MEF2A: variants seen among roughly 807,000 people sequenced by gnomAD.
MEF2A encodes the protein myocyte enhancer factor 2A, also known as myocyte-specific enhancer factor 2A.
In MEF2A, 28 loss-of-function variants were observed where a neutral mutation model predicts 55.8. The ratio of observed to expected loss-of-function variants is 0.50; its 90% CI spans 0.37 to 0.69. The LOEUF is 0.69. Among genes scored for constraint, MEF2A ranks in the 30% least tolerant of loss-of-function variants. The pLI is 0.00. For missense variants in MEF2A, 528 were observed against 626.2 expected, an observed-to-expected ratio of 0.84 and a Z score of 1.67; for synonymous variants, 239 against 227.1, an observed-to-expected ratio of 1.05 and a Z score of -0.47.
chr15:99,704,931 A>G (rs1447686020), intron 9 of MEF2A, among the ~76,000 whole-genome samples: 4 of 152,236 alleles, frequency 2.6e-5, no homozygotes, highest in African/African-American at 9.6e-5. Flanking sequence ...CTCAGAGATA[A>G]ATATATTAGG....
chr15:99,680,975 A>G (rs2053142173), intron 7 of MEF2A, among the ~76,000 whole-genome samples: 2 of 152,170 alleles, frequency 1.3e-5, no homozygotes, highest in Non-Finnish European at 2.9e-5. Flanking sequence ...TAGATCTTTC[A>G]TAGAGGTAAT....
chr15:99,709,575 CT>C (rs2058392422), intron 10 of MEF2A, among the ~76,000 whole-genome samples: 2 of 152,308 alleles, frequency 1.3e-5, no homozygotes, highest in South Asian at 2.1e-4. Context: ...AACTCCGTTC[CT>C]TTTTTAAAAT....
chr15:99,709,827 T>C (rs2058423173), intron 10 of MEF2A, among the ~76,000 whole-genome samples: 1 of 152,218 alleles, frequency 6.6e-6, no homozygotes, highest in Non-Finnish European at 1.5e-5. Flanking sequence ...CCGAGTTTTT[T>C]CATGAAGTTG....
intron 3 of MEF2A, among the ~76,000 whole-genome samples, chr15:99,635,910 G>A (rs117337863): frequency 0.02 from 3,093 of 152,180 alleles, 49 homozygotes; most frequent in Non-Finnish European, 0.035. Context: ...GATAGTATAC[G>A]TGAACACTTG....
intron 4 of MEF2A, among the ~76,000 whole-genome samples, chr15:99,666,486 T>C (rs1324103264): frequency 6.6e-6 from 1 of 151,710 alleles, no homozygotes; most frequent in African/African-American, 2.4e-5. Context: ...GTAATGTAGA[T>C]GATGGGTTGA....
Position 99,715,060 on chromosome 15 carries a change from ATTTTTC to A in MEF2A, c.*2293_*2298del, listed in dbSNP as rs1250557587. On this transcript the variant is annotated 3_prime_UTR_variant, in exon 12 of 12. Coordinates refer to ENST00000557942, the MANE Select transcript of MEF2A (RefSeq NM_001319206.4). ...GACATTAGGCTCTTATTCAGAAAGG[ATTTTTC>A]TTTAAAAATGTACTTACTTTACTGA... 2 of 152,080 alleles carry A rather than the reference ATTTTTC, an allele frequency of 1.3e-5. No individual in the cohort carries two copies. Among genetic ancestry groups the A allele is most frequent in the Non-Finnish European group, 2.9e-5 (2 of 68,020 alleles). The allele number at this position is 152,080 out of a possible 1,614,324, so 9.4% of individuals were successfully genotyped here.
In MEF2A at chr15:99,712,527, A is replaced by C; in HGVS notation, c.1274A>C (p.Gln425Pro). The change falls in exon 12 of 12, where the codon CAG (glutamine) becomes CCG (proline). Residue 425 changes from glutamine (Q) to proline (P), a missense_variant. Gln to Pro is a moderately conservative substitution (Grantham distance 76). Coordinates refer to ENST00000557942, the MANE Select transcript of MEF2A (RefSeq NM_001319206.4). The surrounding 1 kb of genome is among the most constrained non-coding windows in gnomAD (Gnocchi z 4.1). ...TTCCAGCAGCAGCAGCAGCAGCAGCAGCAGCAGCAGCCGCCGCCACCACCG... is the reference window on the plus strand; with the variant it reads ...TTCCAGCAGCAGCAGCAGCAGCAGCCGCAGCAGCAGCCGCCGCCACCACCG... ...SGFQQQQQQQ[Q>P]QQQPPPPPQP... 6.5e-7 allele frequency: 1 copy of C among 1,546,948 alleles called. No homozygotes were observed. The highest frequency in any genetic ancestry group is 8.7e-7 in the Non-Finnish European group (1 of 1,144,946).
At chr15:99,682,034 A>C (rs912653565) in intron 7 of MEF2A, among the ~76,000 whole-genome samples, 1 of 152,234 alleles carries the variant, frequency 6.6e-6, no homozygotes, top group Non-Finnish European at 1.5e-5. Flanking sequence ...GCTTTGGATG[A>C]GTTTTTCAGA....
intron 4 of MEF2A, among the ~76,000 whole-genome samples, chr15:99,653,329 A>C (rs1360795910): frequency 6.6e-6 from 1 of 152,194 alleles, no homozygotes; most frequent in East Asian, 1.9e-4. Flanking sequence ...TTTTGAAGTT[A>C]TTTTTGTGGC....
intron 5 of MEF2A, 37 bp downstream of exon 5, chr15:99,671,491 T>G: frequency 1.2e-6 from 2 of 1,613,926 alleles, no homozygotes; most frequent in African/African-American, 2.7e-5. Flanking sequence ...TTTTATTTGT[T>G]GATCCTTTTT....
At chr15:99,670,616 GAAAAA>G (rs996494573) in intron 4 of MEF2A, among the ~76,000 whole-genome samples, 2 of 133,840 alleles carry the variant, frequency 1.5e-5, no homozygotes, top group Non-Finnish European at 3.3e-5. Flanking sequence ...TCTCAAAAAA[GAAAAA>G]AAAAAAGAAA....
At chr15:99,654,997 C>G (rs1357271767) in intron 4 of MEF2A, among the ~76,000 whole-genome samples, 1 of 152,134 alleles carries the variant, frequency 6.6e-6, no homozygotes, top group Non-Finnish European at 1.5e-5. Flanking sequence ...AAAATTAATT[C>G]TAATTGTACT....
intron 9 of MEF2A, among the ~76,000 whole-genome samples, chr15:99,703,676 C>A (rs528217591): frequency 1.3e-5 from 2 of 152,044 alleles, no homozygotes; most frequent in South Asian, 4.1e-4. Flanking sequence ...AGGAAAGATA[C>A]AAAATACCTT....
chr15:99,643,628 G>T (rs1171695186), intron 3 of MEF2A, among the ~76,000 whole-genome samples: 4 of 142,440 alleles, frequency 2.8e-5, no homozygotes, highest in African/African-American at 1.1e-4. Context: ...GTCTCGCTCT[G>T]TCGCCCAGGC....
At chr15:99,633,357 C>G (rs2043232021) in intron 3 of MEF2A, among the ~76,000 whole-genome samples, 184 bp downstream of exon 3, 1 of 151,862 alleles carries the variant, frequency 6.6e-6, no homozygotes, top group African/African-American at 2.4e-5. Flanking sequence ...AAAGAGACTT[C>G]CTTATTATAG....
intron 1 of MEF2A, among the ~76,000 whole-genome samples, chr15:99,571,139 G>A (rs1164885261): frequency 2.0e-5 from 3 of 151,276 alleles, no homozygotes; most frequent in Non-Finnish European, 2.9e-5. Flanking sequence ...AGCCGAGATC[G>A]TGCCACTGCA....
intron 7 of MEF2A, 93 bp from the exon 8 acceptor site, chr15:99,690,148 A>T: frequency 8.3e-7 from 1 of 1,207,340 alleles, no homozygotes; most frequent in Non-Finnish European, 1.2e-6. Context: ...TATAAAATTT[A>T]TTTGCAACTC....
intron 1 of MEF2A, among the ~76,000 whole-genome samples, chr15:99,584,333 A>G (rs1966759662): frequency 1.3e-5 from 2 of 152,200 alleles, no homozygotes; most frequent in African/African-American, 2.4e-5. Flanking sequence ...TATTGTAAGA[A>G]CAGAAGCTAG....
At chr15:99,652,486 G>A (rs1184579669) in intron 4 of MEF2A, among the ~76,000 whole-genome samples, 13 of 152,124 alleles carry the variant, frequency 8.5e-5, no homozygotes, top group Admixed American at 8.5e-4. Context: ...GGTTATGGTA[G>A]GTGGAAAACA....
Sources: allele counts gnomAD v4.1 joint callset (sites outside exome capture counted in the v4.1 genomes callset), GRCh38; gene constraint gnomAD v4.1.1; non-coding constraint Gnocchi (gnomAD v3.1); transcripts MANE v1.5; gene names NCBI Gene and HGNC (gene_info 2026-07-23, HGNC 2026-07-21).